PFDN2: variants seen among roughly 807,000 people sequenced by gnomAD.
The protein encoded by PFDN2 is prefoldin 2.
In PFDN2, 7 loss-of-function variants were observed where a neutral mutation model predicts 18.3. That is an observed-to-expected ratio of 0.38 (90% CI 0.22 to 0.72). The LOEUF (loss-of-function observed/expected upper bound fraction) is 0.72, where lower values mean the gene tolerates loss of function less well. PFDN2 is among the 30% of genes least tolerant of loss of function. The probability of loss-of-function intolerance (pLI) is 0.47; values close to 1 mark genes in which losing one functional copy is unlikely to be tolerated. For missense variants in PFDN2, 181 were observed against 199.1 expected, an observed-to-expected ratio of 0.91 and a Z score of 0.55; for synonymous variants, 76 against 75.0, an observed-to-expected ratio of 1.01 and a Z score of -0.07.
intron 1 of PFDN2, among the ~76,000 whole-genome samples, chr1:161,107,424 C>CAAAAAAA (rs34132641): frequency 1.5e-5 from 1 of 68,304 alleles, no homozygotes; most frequent in Non-Finnish European, 2.7e-5. Flanking sequence ...GACTCTGTCT[C>CAAAAAAA]AAAAAAAAAA....
intron 1 of PFDN2, among the ~76,000 whole-genome samples, chr1:161,111,149 G>A (rs953366393): frequency 6.6e-6 from 1 of 151,748 alleles, no homozygotes; most frequent in African/African-American, 2.4e-5. Context: ...CCGAGATGGG[G>A]GTCTTACTAT....
rs528613137 is a variant in PFDN2, at chr1:161,109,164, G to A, written c.76-6789C>T. Among the ~76,000 whole-genome samples, 605 of 152,266 alleles carry A rather than the reference G, an allele frequency of 4.0e-3. 1 individual carries two copies. Among genetic ancestry groups the A allele is most frequent in the African/African-American group, 0.013 (560 of 41,536 alleles). ...TCAGCACTCAGTGTCCTAAGTCACTGGTAGTTTCCCTTAACAGCTGTCTTC... is the reference window on the plus strand; with the variant it reads ...TCAGCACTCAGTGTCCTAAGTCACTAGTAGTTTCCCTTAACAGCTGTCTTC... On this transcript the variant is annotated intron_variant, in intron 1 of 3. Transcript: ENST00000368010.
chr1:161,117,049 A>G (rs1427003264), intron 1 of PFDN2, among the ~76,000 whole-genome samples: 1 of 152,016 alleles, frequency 6.6e-6, no homozygotes, highest in Non-Finnish European at 1.5e-5. Flanking sequence ...CCTGGCCAAT[A>G]TGGTGAAACC....
At chr1:161,111,131 C>T (rs1654799985) in intron 1 of PFDN2, among the ~76,000 whole-genome samples, 1 of 151,938 alleles carries the variant, frequency 6.6e-6, no homozygotes, top group Admixed American at 6.6e-5. Context: ...TTAGCCACTG[C>T]GCCCAGCCCG....
chr1:161,105,297 G>C (rs970759945), intron 1 of PFDN2, among the ~76,000 whole-genome samples: 2 of 151,648 alleles, frequency 1.3e-5, no homozygotes, highest in African/African-American at 4.8e-5. Context: ...TTTATTTTTT[G>C]TAGAGACAGG....
intron 3 of PFDN2, among the ~76,000 whole-genome samples, chr1:161,101,285 C>T (rs557631625): frequency 4.9e-4 from 74 of 151,226 alleles, no homozygotes; most frequent in Admixed American, 2.1e-3. Context: ...CTGCAAGCTC[C>T]GCCTCGCAGG....
chr1:161,105,423 T>C (rs982481623), intron 1 of PFDN2, among the ~76,000 whole-genome samples: 5 of 152,166 alleles, frequency 3.3e-5, no homozygotes, highest in Non-Finnish European at 7.4e-5. Context: ...GCAGAATTTA[T>C]TTTCCTTAGT....
At position 161,115,447 on chromosome 1, in the gene PFDN2, C is replaced by T. The variant is rs184902316; in HGVS notation, c.75+2505G>A. On this transcript the variant is annotated intron_variant, in intron 1 of 3. Transcript: ENST00000368010. ...CATCCCGCTCAGGATGTGAATCATC[C>T]TTTTGCCCAGCCTATCCATGCTGTA... Among the ~76,000 whole-genome samples the T allele has an allele frequency of 2.0e-5, 3 of 152,304 alleles. No homozygotes were observed. In the East Asian group the frequency reaches 5.8e-4, roughly 29 times the overall value.
At chr1:161,111,632 A>T (rs1328857800) in intron 1 of PFDN2, among the ~76,000 whole-genome samples, 1 of 152,188 alleles carries the variant, frequency 6.6e-6, no homozygotes, top group Non-Finnish European at 1.5e-5. Context: ...CTGAGATAAT[A>T]GGTCAAGTGC....
chr1:161,117,982 G>C lies in PFDN2; in HGVS notation c.45C>G (p.Gly15=). Residue 15 remains glycine (G), a synonymous_variant, in exon 1 of 4, where the codon GGC becomes GGG. Transcript: ENST00000368010. ...CTGCGGACACCGCCCCCTTCCCCGC[G>C]CCGCTCCCGCTGCTCTTGCCGGCGC... is the stretch of plus-strand genomic sequence containing the variant. ...SGRAGKSSGS[G]AGKGAVSAEQ... is the part of the protein sequence containing the mutation. The C allele has an allele frequency of 6.2e-7, 1 of 1,612,586 alleles. No individual in the cohort carries two copies. Among genetic ancestry groups the C allele is most frequent in the Non-Finnish European group, 8.5e-7 (1 of 1,179,466 alleles).
chr1:161,115,372 AT>A (rs1262164887), intron 1 of PFDN2, among the ~76,000 whole-genome samples: 2 of 152,218 alleles, frequency 1.3e-5, no homozygotes, highest in Non-Finnish European at 2.9e-5. Context: ...CCAACAATTC[AT>A]AAGTTTTAAG....
intron 1 of PFDN2, among the ~76,000 whole-genome samples, chr1:161,114,347 C>T (rs900287610): frequency 6.6e-6 from 1 of 152,238 alleles, no homozygotes; most frequent in African/African-American, 2.4e-5. Flanking sequence ...TTATATTCCT[C>T]TTTTACCCCC....
rs761486495 is a variant in PFDN2, at chr1:161,102,357, G to A, written c.94C>T (p.Arg32Cys). The change falls in exon 2 of 4, where the codon CGC becomes TGC. Residue 32 changes from arginine (R) to cysteine (C), a missense_variant. Physicochemically the swap from Arg to Cys is radical, Grantham distance 180. Transcript: ENST00000368010. ...AGGCCTCGCTGTTCCTGCCGAAGGC[G>A]GTTGAAGCCAGCAATCACCTAACAA... ...SAEQVIAGFN[R>C]LRQEQRGLAS... 21 of 1,613,954 alleles carry A rather than the reference G, an allele frequency of 1.3e-5. No homozygotes were observed. The highest frequency in any genetic ancestry group is 9.9e-5 in the South Asian group (9 of 91,092).
At chr1:161,116,449 G>A (rs993261571) in intron 1 of PFDN2, among the ~76,000 whole-genome samples, 2 of 151,208 alleles carry the variant, frequency 1.3e-5, no homozygotes, top group Non-Finnish European at 2.9e-5. Flanking sequence ...GGGAGGCAGA[G>A]GTTGCAGTCA....
chr1:161,111,099 C>T (rs1206022934), intron 1 of PFDN2, among the ~76,000 whole-genome samples: 1 of 152,034 alleles, frequency 6.6e-6, no homozygotes, highest in African/African-American at 2.4e-5. Flanking sequence ...CTCAGCCTCC[C>T]AAAGTGCTGG....
At chr1:161,106,693 G>A (rs1490118281) in intron 1 of PFDN2, among the ~76,000 whole-genome samples, 1 of 152,194 alleles carries the variant, frequency 6.6e-6, no homozygotes, top group Non-Finnish European at 1.5e-5. Context: ...ATGGAGTACA[G>A]TGGTGCAATC....
chr1:161,116,947 G>A (rs180676689), intron 1 of PFDN2, among the ~76,000 whole-genome samples: 1 of 152,310 alleles, frequency 6.6e-6, no homozygotes, highest in East Asian at 1.9e-4. Flanking sequence ...AATTAAGACA[G>A]CTGTAGGCCG....
At chr1:161,105,235 C>T (rs895131819) in intron 1 of PFDN2, among the ~76,000 whole-genome samples, 1 of 152,166 alleles carries the variant, frequency 6.6e-6, no homozygotes, top group African/African-American at 2.4e-5. Flanking sequence ...CTCAGCCTCC[C>T]AAGTAGCTGG....
chr1:161,117,836 T>C (rs1438112198), intron 1 of PFDN2, 116 bp downstream of exon 1: 3 of 952,578 alleles, frequency 3.1e-6, no homozygotes, highest in East Asian at 5.5e-5. Context: ...CTTCCCTCTC[T>C]AGGTGCCACG....
Sources: allele counts gnomAD v4.1 joint callset (sites outside exome capture counted in the v4.1 genomes callset), GRCh38; gene constraint gnomAD v4.1.1; transcripts MANE v1.5; gene names NCBI Gene and HGNC (gene_info 2026-07-23, HGNC 2026-07-21).